Variants in OR2AT4 observed in about 807,000 individuals in gnomAD.
OR2AT4 encodes olfactory receptor family 2 subfamily AT member 4, also known as olfactory receptor 2AT4.
A neutral mutation model predicts 10.3 loss-of-function variants in OR2AT4; 6 were observed. That is an observed-to-expected ratio of 0.58 (90% CI 0.32 to 1.15). The LOEUF (loss-of-function observed/expected upper bound fraction) is 1.15. Among genes scored for constraint, OR2AT4 ranks in the 50% most tolerant of loss-of-function variants. The pLI is 0.05. For missense variants in OR2AT4, 354 were observed against 393.8 expected (o/e 0.90, Z 0.85); for synonymous variants, 145 against 159.1 (o/e 0.91, Z 0.67).
exon 2 of OR2AT4, chr11:75,089,200 C>T: frequency 6.2e-7 from 1 of 1,614,140 alleles, no homozygotes. Context: ...CTGTTATATG[C>T]CATCTGGGAG....
At chr11:75,092,469 T>G (rs1244756986) in intron 1 of OR2AT4, among the ~76,000 whole-genome samples, 2 of 152,156 alleles carry the variant, frequency 1.3e-5, no homozygotes, top group Non-Finnish European at 2.9e-5. Flanking sequence ...TCTATAGATA[T>G]AAATATAAAT....
chr11:75,089,251 G>A, exon 2 of OR2AT4: 1 of 1,614,218 alleles, frequency 6.2e-7, no homozygotes, highest in Non-Finnish European at 8.5e-7. Flanking sequence ...AGGGCAGTTA[G>A]CCAGGCACTG....
chr11:75,084,139 A>C (rs1949279357), exon 2 of OR2AT4: 1 of 152,136 alleles, frequency 6.6e-6, no homozygotes, highest in Admixed American at 6.6e-5. Context: ...TATAAGTGGG[A>C]GCTAAACATT....
chr11:75,092,820 G>A (rs1409494866), intron 1 of OR2AT4, among the ~76,000 whole-genome samples: 1 of 151,796 alleles, frequency 6.6e-6, no homozygotes, highest in Non-Finnish European at 1.5e-5. Flanking sequence ...AAAAAGATAA[G>A]GTCAGGTGCA....
chr11:75,083,222 A>G (rs1386188792), exon 2 of OR2AT4: 1 of 152,106 alleles, frequency 6.6e-6, no homozygotes, highest in African/African-American at 2.4e-5. Flanking sequence ...AAATAATACC[A>G]TTAAAAAGTG....
At chr11:75,093,804 C>CTTTTTTTTTTTTTTTTTTT (rs1166766222) in intron 1 of OR2AT4, among the ~76,000 whole-genome samples, 3 of 88,346 alleles carry the variant, frequency 3.4e-5, no homozygotes, top group African/African-American at 4.2e-5. Context: ...TTTTCTTTTT[C>CTTTTTTTTTTTTTTTTTTT]TTTTTCTTTT....
intron 1 of OR2AT4, among the ~76,000 whole-genome samples, chr11:75,091,304 A>G (rs1391139341): frequency 1.3e-5 from 2 of 152,226 alleles, no homozygotes; most frequent in African/African-American, 4.8e-5. Context: ...ACCAACAATC[A>G]AGAGGGAAAA....
At chr11:75,089,606 G>A (rs1305156052) in exon 2 of OR2AT4, 1 of 1,614,002 alleles carries the variant, frequency 6.2e-7, no homozygotes, top group Non-Finnish European at 8.5e-7. Context: ...AGAAGAGGAG[G>A]AAAATAAAAA....
exon 2 of OR2AT4, chr11:75,089,717 G>A (rs773031471): frequency 1.2e-6 from 2 of 1,605,114 alleles, no homozygotes; most frequent in Non-Finnish European, 1.7e-6. Context: ...CATCCATTGT[G>A]AGACACAGCT....
intron 1 of OR2AT4, among the ~76,000 whole-genome samples, chr11:75,092,474 A>G (rs1299225423): frequency 6.6e-6 from 1 of 152,232 alleles, no homozygotes; most frequent in Non-Finnish European, 1.5e-5. Context: ...AGATATAAAT[A>G]TAAATCTATG....
chr11:75,084,795 A>G (rs1002805808), exon 2 of OR2AT4: 1 of 152,214 alleles, frequency 6.6e-6, no homozygotes, highest in African/African-American at 2.4e-5. Flanking sequence ...AGCATGGGTC[A>G]ATTAGGATGT....
exon 2 of OR2AT4, chr11:75,088,767 C>A: frequency 6.4e-7 from 1 of 1,564,090 alleles, no homozygotes. Flanking sequence ...GCTCCTGTCA[C>A]AGCCTGGGTC....
exon 1 of OR2AT4, chr11:75,096,832 C>T (rs1440235840): frequency 1.3e-5 from 2 of 152,606 alleles, no homozygotes; most frequent in African/African-American, 4.8e-5. Flanking sequence ...ACCTACCAAT[C>T]CTGGTCCGCC....
chr11:75,086,966 T>A (rs1229063753), exon 2 of OR2AT4: 1 of 152,222 alleles, frequency 6.6e-6, no homozygotes, highest in African/African-American at 2.4e-5. Context: ...TTATGTAACC[T>A]TTTTAGATTG....
Position 75,089,476 on chromosome 11 carries a change from T to C in OR2AT4, c.238A>G (p.Thr80Ala), listed in dbSNP as rs772401879. 20 of 1,613,974 alleles carry C rather than the reference T, an allele frequency of 1.2e-5. No homozygotes were observed. In the South Asian group the frequency reaches 2.1e-4, roughly 17 times the overall value. The change falls in exon 2 of 2, where the codon ACA becomes GCA. Residue 80 changes from threonine (T) to alanine (A), a missense_variant. Coordinates refer to ENST00000641504, the Ensembl canonical transcript of OR2AT4. ...GACAGCATCTTGGGGACAGTGGTTG[T>C]GGTGAAAAGGATGTCCAAGGTGGAG...
chr11:75,091,636 A>T (rs1949320716), intron 1 of OR2AT4, among the ~76,000 whole-genome samples: 1 of 152,238 alleles, frequency 6.6e-6, no homozygotes, highest in Non-Finnish European at 1.5e-5. Context: ...ATAGAAGAGT[A>T]TATCTTCTGT....
intron 1 of OR2AT4, among the ~76,000 whole-genome samples, chr11:75,094,722 T>C (rs2140281015): frequency 6.6e-6 from 1 of 152,328 alleles, no homozygotes; most frequent in South Asian, 2.1e-4. Flanking sequence ...CACCCCAGCC[T>C]GGGCAACAGA....
chr11:75,092,081 C>T (rs11827488), intron 1 of OR2AT4, among the ~76,000 whole-genome samples: 34,225 of 151,996 alleles, frequency 0.23, 4,338 homozygotes, highest in East Asian at 0.35. Context: ...GGGTGAAAGA[C>T]TTGAATAGGT....
intron 1 of OR2AT4, among the ~76,000 whole-genome samples, chr11:75,091,600 G>A (rs1441119498): frequency 6.6e-6 from 1 of 152,136 alleles, no homozygotes; most frequent in Non-Finnish European, 1.5e-5. Context: ...TAGATCAGTA[G>A]AAAATGTCTA....
Sources: allele counts gnomAD v4.1 joint callset (sites outside exome capture counted in the v4.1 genomes callset), GRCh38; gene constraint gnomAD v4.1.1; transcripts MANE v1.5; gene names NCBI Gene and HGNC (gene_info 2026-07-23, HGNC 2026-07-21).